Variants in PAM observed in about 807,000 individuals in gnomAD.
PAM encodes peptidyl-glycine alpha-amidating monooxygenase.
PAM carries 72 observed loss-of-function variants against 122.1 expected under a neutral mutation model. The ratio of observed to expected loss-of-function variants is 0.59; its 90% CI spans 0.49 to 0.72. The LOEUF (loss-of-function observed/expected upper bound fraction) is 0.72, where lower values mean the gene tolerates loss of function less well. Among genes scored for constraint, PAM ranks in the 30% least tolerant of loss-of-function variants. The pLI, the probability that PAM is intolerant of heterozygous loss-of-function variation, is 0.00. For missense variants in PAM, 1,106 were observed against 1,183.7 expected (o/e 0.93, Z 0.96); for synonymous variants, 389 against 404.4 (o/e 0.96, Z 0.46).
At chr5:102,869,804 A>G (rs1786785389) in intron 3 of PAM, among the ~76,000 whole-genome samples, 1 of 152,322 alleles carries the variant, frequency 6.6e-6, no homozygotes, top group South Asian at 2.1e-4. Context: ...CTTAAAATGA[A>G]GATAAAACCA....
intron 1 of PAM, among the ~76,000 whole-genome samples, chr5:102,769,921 G>T (rs1305376363): frequency 6.6e-6 from 1 of 151,942 alleles, no homozygotes; most frequent in Admixed American, 6.6e-5. Context: ...GGATTGCATT[G>T]AATCTGTAGA....
At chr5:102,854,805 T>A (rs779835648) in intron 1 of PAM, among the ~76,000 whole-genome samples, 1 of 152,340 alleles carries the variant, frequency 6.6e-6, no homozygotes, top group Non-Finnish European at 1.5e-5. Flanking sequence ...CATCAAAGAA[T>A]TCTAACAAAC....
At chr5:102,866,486 C>T (rs1785600472) in intron 2 of PAM, 1 of 564,048 alleles carries the variant, frequency 1.8e-6, no homozygotes, top group Non-Finnish European at 3.2e-6. Flanking sequence ...GCTTTCAAAA[C>T]TCCAATTAGA....
chr5:103,026,956 C>G (rs185995389), intron 24 of PAM, among the ~76,000 whole-genome samples: 1 of 152,300 alleles, frequency 6.6e-6, no homozygotes, highest in Non-Finnish European at 1.5e-5. Context: ...AGCACTGTTA[C>G]ATGATGCTGA....
chr5:102,862,924 G>T (rs1483203246), intron 1 of PAM, among the ~76,000 whole-genome samples: 1 of 151,812 alleles, frequency 6.6e-6, no homozygotes, highest in Non-Finnish European at 1.5e-5. Flanking sequence ...ATGAATACAC[G>T]ACTGAATGGT....
chr5:102,755,288 C>T (rs1177661498), upstream of PAM: 2 of 152,374 alleles, frequency 1.3e-5, no homozygotes, highest in Non-Finnish European at 1.5e-5. Context: ...CTAACTCCGC[C>T]CGCCGCTCCG....
chr5:102,994,452 A>C (rs1476363558), intron 16 of PAM, among the ~76,000 whole-genome samples: 1 of 152,152 alleles, frequency 6.6e-6, no homozygotes, highest in Non-Finnish European at 1.5e-5. Flanking sequence ...CAACTGAAGG[A>C]ATTTTGGTCT....
rs114121232 is a variant in PAM at position 102,958,425 on chromosome 5, G to A, written c.906-1450G>A. Among the ~76,000 whole-genome samples the A allele has an allele frequency of 6.7e-3, 1,017 of 152,040 alleles. 8 individuals are homozygous for A. The highest frequency in any genetic ancestry group is 0.012 in the Non-Finnish European group (846 of 67,974). ...GCAGGAAAGAGAAGGATAATATGGC[G>A]GGAGGCTCCAGTTTATTATTTTTGC... On this transcript the variant is annotated intron_variant, in intron 12 of 25. Transcript: ENST00000438793.
At chr5:102,808,766 G>C (rs914517660) in intron 1 of PAM, among the ~76,000 whole-genome samples, 2 of 152,206 alleles carry the variant, frequency 1.3e-5, no homozygotes, top group Non-Finnish European at 2.9e-5. Context: ...GGAGATGTAT[G>C]AAGTTCAAAG....
chr5:102,853,275 T>G (rs1781772113), intron 1 of PAM, among the ~76,000 whole-genome samples: 1 of 152,216 alleles, frequency 6.6e-6, no homozygotes, highest in Non-Finnish European at 1.5e-5. Flanking sequence ...TATTTCAGAT[T>G]ATTTAGGTTG....
At chr5:102,914,713 T>G (rs2151584106) in intron 5 of PAM, among the ~76,000 whole-genome samples, 1 of 152,184 alleles carries the variant, frequency 6.6e-6, no homozygotes, top group Admixed American at 6.6e-5. Flanking sequence ...TCAAAGTGAT[T>G]CAGTAAGTTG....
At chr5:102,971,384 A>C (rs1399724437) in intron 14 of PAM, among the ~76,000 whole-genome samples, 1 of 152,228 alleles carries the variant, frequency 6.6e-6, no homozygotes, top group Non-Finnish European at 1.5e-5. Context: ...AATTTACTTA[A>C]AGGCACAAAG....
chr5:102,926,041 A>C (rs926245007), intron 6 of PAM, among the ~76,000 whole-genome samples: 2 of 152,224 alleles, frequency 1.3e-5, no homozygotes, highest in African/African-American at 2.4e-5. Flanking sequence ...TCACAAAATA[A>C]AATAAATATG....
chr5:102,771,526 G>C (rs1052497811), intron 1 of PAM, among the ~76,000 whole-genome samples: 4 of 152,096 alleles, frequency 2.6e-5, no homozygotes, highest in African/African-American at 9.7e-5. Flanking sequence ...TTTTTCATCT[G>C]TACAACAACC....
intron 4 of PAM, among the ~76,000 whole-genome samples, chr5:102,907,781 T>G (rs1800044079): frequency 6.6e-6 from 1 of 152,172 alleles, no homozygotes; most frequent in Non-Finnish European, 1.5e-5. Context: ...TTTTGAGAAG[T>G]GTCTGTTCAT....
At chr5:102,947,542 A>C (rs1031324423) in intron 8 of PAM, among the ~76,000 whole-genome samples, 1 of 152,124 alleles carries the variant, frequency 6.6e-6, no homozygotes, top group African/African-American at 2.4e-5. Context: ...GATGGGAAGG[A>C]GGTGAGGGAT....
chr5:103,021,622 C>A (rs1243974159), intron 23 of PAM, among the ~76,000 whole-genome samples: 2 of 152,130 alleles, frequency 1.3e-5, no homozygotes, highest in Non-Finnish European at 2.9e-5. Flanking sequence ...ATTGAAATGT[C>A]TTGCCTTGAC....
At chr5:102,881,546 A>C (rs1237626838) in intron 3 of PAM, among the ~76,000 whole-genome samples, 4 of 152,052 alleles carry the variant, frequency 2.6e-5, no homozygotes, top group Non-Finnish European at 5.9e-5. Flanking sequence ...ATATCCTTAA[A>C]ATTTTGGGAG....
chr5:102,834,598 A>C (rs1217024351), intron 1 of PAM, among the ~76,000 whole-genome samples: 1 of 152,198 alleles, frequency 6.6e-6, no homozygotes, highest in East Asian at 1.9e-4. Flanking sequence ...TCACTGAGAA[A>C]GTGACAGTTG....
Sources: allele counts gnomAD v4.1 joint callset (sites outside exome capture counted in the v4.1 genomes callset), GRCh38; gene constraint gnomAD v4.1.1; transcripts MANE v1.5; gene names NCBI Gene and HGNC (gene_info 2026-07-23, HGNC 2026-07-21).